GAK: variants seen among roughly 807,000 people sequenced by gnomAD.
GAK encodes cyclin-G-associated kinase.
In GAK, 79 loss-of-function variants were observed where a neutral mutation model predicts 143.9. The observed-to-expected ratio is 0.55, with a 90% CI of 0.46 to 0.66. The LOEUF (loss-of-function observed/expected upper bound fraction) is 0.66, where lower values mean the gene tolerates loss of function less well. Ranked by LOEUF, GAK falls within the 30% of genes least tolerant of loss-of-function variation. The pLI is 0.00. For missense variants in GAK, 1,693 were observed against 1,779.7 expected, an observed-to-expected ratio of 0.95 and a Z score of 0.88; for synonymous variants, 881 against 765.5, an observed-to-expected ratio of 1.15 and a Z score of -2.49.
At chr4:919,519 C>G (rs1335835301) in intron 1 of GAK, among the ~76,000 whole-genome samples, 1 of 152,248 alleles carries the variant, frequency 6.6e-6, no homozygotes, top group Admixed American at 6.5e-5. Context: ...ACTGCTCTTC[C>G]TCAAACGCAG....
chr4:901,837 G>A (rs1560399621), intron 5 of GAK, among the ~76,000 whole-genome samples: 1 of 152,232 alleles, frequency 6.6e-6, no homozygotes, highest in Non-Finnish European at 1.5e-5. Flanking sequence ...AGCGAGGTCT[G>A]AGAGAAGCCA....
chr4:902,779 G>A (rs971747191), intron 5 of GAK, among the ~76,000 whole-genome samples: 3 of 151,946 alleles, frequency 2.0e-5, no homozygotes, highest in Non-Finnish European at 2.9e-5. Flanking sequence ...AGAAGACGCC[G>A]GCAGCACAGG....
intron 2 of GAK, 86 bp downstream of exon 2, chr4:913,521 C>A: frequency 9.7e-7 from 1 of 1,030,696 alleles, no homozygotes. Context: ...AAGTACGTAA[C>A]AGGGACGCAT....
chr4:882,049 G>C lies in GAK; in HGVS notation c.1528-9C>G. Reference sequence around the variant, plus strand: ...GACGCGGCTCTCCCGTCCTAGGACAGACAGACACGTCTCGCGTGCGCCTCG... The same window carrying C: ...GACGCGGCTCTCCCGTCCTAGGACACACAGACACGTCTCGCGTGCGCCTCG... On this transcript the variant is annotated splice_polypyrimidine_tract_variant and intron_variant, in intron 14 of 27. Coordinates refer to ENST00000314167, the MANE Select transcript of GAK (RefSeq NM_005255.4). The C allele has an allele frequency of 6.3e-7, 1 of 1,597,408 alleles. No individual in the cohort carries two copies. The highest frequency in any genetic ancestry group is 8.5e-7 in the Non-Finnish European group (1 of 1,171,858).
At chr4:919,327 T>C (rs1303438636) in intron 1 of GAK, among the ~76,000 whole-genome samples, 1 of 148,486 alleles carries the variant, frequency 6.7e-6, no homozygotes, top group Non-Finnish European at 1.5e-5. Context: ...CAGCACCCCA[T>C]GACCTTAGCA....
At position 932,085 on chromosome 4, in the gene GAK, G is replaced by C. The variant is rs1481840489; in HGVS notation, c.103C>G (p.Leu35Val). The change falls in exon 1 of 28, where the codon CTG (leucine) becomes GTG (valine). Residue 35 changes from leucine (L) to valine (V), a missense_variant. Leu to Val is a conservative substitution (Grantham distance 32, BLOSUM62 1). Coordinates refer to ENST00000314167, the MANE Select transcript of GAK (RefSeq NM_005255.4). The surrounding 1 kb of genome is among the most constrained non-coding windows in gnomAD (Gnocchi z 4.0). ...QSDFVGQTVE[L>V]GELRLRVRRV... The stretch of plus-strand genomic sequence containing the variant: ...CGCACCCGCAGCCGCAGCTCGCCCA[G>C]TTCCACCGTCTGCCCCACGAAGTCA... The C allele has an allele frequency of 3.1e-6, 5 of 1,603,462 alleles. No homozygotes were observed. The highest frequency in any genetic ancestry group is 2.7e-5 in the African/African-American group (2 of 74,538).
At chr4:894,186 G>A in intron 7 of GAK, 177 bp from the exon 8 acceptor site, 1 of 659,414 alleles carries the variant, frequency 1.5e-6, no homozygotes, top group Non-Finnish European at 2.3e-6. Flanking sequence ...GTGATATCGG[G>A]AACATGGGAA....
In GAK at chr4:851,620, T is replaced by C. The variant is rs547322026; in HGVS notation, c.3508+130A>G. The C allele has an allele frequency of 5.3e-6, 5 of 942,378 alleles. No individual in the cohort carries two copies. In the African/African-American group the frequency reaches 8.1e-5, roughly 15 times the overall value. The allele number at this position is 942,378 out of a possible 1,614,324, so 58.4% of individuals were successfully genotyped here. On this transcript the variant is annotated intron_variant, in intron 25 of 27. Transcript: ENST00000314167. ...GAACACACATCGGAAACCGCGTCGT[T>C]CTCTGAGTGGCTTGGCCGTGCCTGT...
intron 1 of GAK, among the ~76,000 whole-genome samples, chr4:931,575 A>C (rs556343327): frequency 3.9e-4 from 59 of 152,182 alleles, no homozygotes; most frequent in Non-Finnish European, 5.0e-4. Flanking sequence ...CAAAAGGCCA[A>C]GGCTTAAACC....
intron 11 of GAK, 144 bp downstream of exon 11, chr4:888,703 A>G: frequency 1.1e-6 from 1 of 935,836 alleles, no homozygotes; most frequent in South Asian, 1.7e-5. Flanking sequence ...TCCCTGGGAG[A>G]AGCGGGTGAT....
intron 12 of GAK, 83 bp downstream of exon 12, chr4:883,954 T>C (rs753762103): frequency 3.6e-4 from 476 of 1,327,798 alleles, no homozygotes; most frequent in Non-Finnish European, 4.7e-4. Context: ...CAGAGGCACC[T>C]GTGCCCTGAC....
chr4:851,163 T>C (rs1748074996), intron 25 of GAK, 79 bp from the exon 26 acceptor site: 1 of 1,268,342 alleles, frequency 7.9e-7, no homozygotes, highest in Non-Finnish European at 1.1e-6. Context: ...AATGGCGTGA[T>C]CTCAGCTCTC....
intron 19 of GAK, chr4:869,644 T>C (rs1314870180): frequency 8.5e-6 from 1 of 118,128 alleles, no homozygotes; most frequent in African/African-American, 3.4e-5. Flanking sequence ...CACACACAGA[T>C]GCACAGTACA....
In GAK at chr4:875,758, C is replaced by T. The variant is rs567409093; in HGVS notation, c.2054+772G>A. 2.0e-5 allele frequency among the ~76,000 whole-genome samples: 3 copies of T among 152,380 alleles called. No individual in the cohort carries two copies. In the East Asian group the frequency reaches 5.8e-4, roughly 29 times the overall value. ...AGGAATTCAAGACCAGCCTGGCCAA[C>T]ATAGTGAAACCCATCTCTACTAAAA... On this transcript the variant is annotated intron_variant, in intron 18 of 27. Transcript: ENST00000314167.
intron 3 of GAK, 63 bp from the exon 4 acceptor site, chr4:911,850 A>C: frequency 1.6e-6 from 2 of 1,233,228 alleles, no homozygotes; most frequent in Middle Eastern, 1.9e-4. Flanking sequence ...GCACTTCAAA[A>C]TAAATGTAGA....
intron 1 of GAK, among the ~76,000 whole-genome samples, chr4:930,193 A>G (rs1247919202): frequency 2.6e-5 from 4 of 152,194 alleles, no homozygotes; most frequent in African/African-American, 4.8e-5. Flanking sequence ...TTTATATAAA[A>G]TACTTAATTC....
Position 870,846 on chromosome 4 carries a change from G to A in GAK, c.2113C>T (p.Leu705=), listed in dbSNP as rs1712426387. The stretch of plus-strand genomic sequence containing the variant: ...TCCCTGGGCTCCACCTCCACTTCCA[G>A]GTTCACTTGAAATAAATCCGGGTAT... ...EKYPDLFQVN[L]EVEVEPRDRP... The change falls in exon 19 of 28, where the codon CTG becomes TTG. Residue 705 remains leucine (L), a synonymous_variant. Transcript: ENST00000314167. The A allele has an allele frequency of 6.2e-7, 1 of 1,613,914 alleles. No individual in the cohort carries two copies. Among genetic ancestry groups the A allele is most frequent in the African/African-American group, 1.3e-5 (1 of 74,940 alleles).
At chr4:887,265 G>A (rs921418544) in intron 11 of GAK, 5 of 145,102 alleles carry the variant, frequency 3.4e-5, no homozygotes, top group Non-Finnish European at 7.5e-5. Flanking sequence ...CGGCTCACGC[G>A]CACTCACGTG....
intron 13 of GAK, 136 bp downstream of exon 13, chr4:883,179 C>T (rs374694020): frequency 1.9e-4 from 192 of 1,028,044 alleles, no homozygotes; most frequent in African/African-American, 5.2e-4. Flanking sequence ...TCCTGTCCCA[C>T]GCTCTGCAGC....
Sources: gnomAD v4.1 joint callset for allele counts (sites outside exome capture counted in the v4.1 genomes callset) on GRCh38, gnomAD v4.1.1 for gene constraint, Gnocchi (gnomAD v3.1) non-coding constraint, MANE v1.5 for transcripts, NCBI Gene and HGNC (gene_info 2026-07-23, HGNC 2026-07-21) for gene names.